The following NCAM2 variants were observed in gnomAD, a reference collection of about 807,000 sequenced individuals.
NCAM2 encodes N-CAM-2.
Under a neutral mutation model 98.1 loss-of-function variants are expected in NCAM2, and 30 were observed. That is an observed-to-expected ratio of 0.31 (90% CI 0.23 to 0.41). The LOEUF is 0.41. Ranked by LOEUF, NCAM2 falls within the 10% of genes least tolerant of loss-of-function variation. The pLI, the probability that NCAM2 is intolerant of heterozygous loss-of-function variation, is 1.00. For synonymous variants in NCAM2, 368 were observed against 342.4 expected, an observed-to-expected ratio of 1.07 and a Z score of -0.83; for missense variants, 867 against 1,005.8, an observed-to-expected ratio of 0.86 and a Z score of 1.87.
At chr21:21,340,163 A>G (rs1029813117) in intron 8 of NCAM2, among the ~76,000 whole-genome samples, 26 of 151,988 alleles carry the variant, frequency 1.7e-4, no homozygotes, top group African/African-American at 5.5e-4. Context: ...AGATTAGATC[A>G]CTCAAAAGTA....
chr21:21,068,315 G>A (rs373998303), intron 1 of NCAM2, among the ~76,000 whole-genome samples: 3 of 150,916 alleles, frequency 2.0e-5, no homozygotes, highest in East Asian at 4.0e-4. Flanking sequence ...TGTATTTTTA[G>A]TACAGACTGG....
At chr21:21,092,165 A>G (rs954881815) in intron 1 of NCAM2, among the ~76,000 whole-genome samples, 1 of 152,114 alleles carries the variant, frequency 6.6e-6, no homozygotes, top group Non-Finnish European at 1.5e-5. Context: ...GAAATGAAAT[A>G]GGTGAATGGT....
chr21:21,043,990 G>A (rs1362526820), intron 1 of NCAM2, among the ~76,000 whole-genome samples: 1 of 151,972 alleles, frequency 6.6e-6, no homozygotes, highest in African/African-American at 2.4e-5. Context: ...TTGAAAATTG[G>A]TTTTTTAATC....
At chr21:21,327,909 C>G (rs1466228780) in intron 6 of NCAM2, among the ~76,000 whole-genome samples, 3 of 152,116 alleles carry the variant, frequency 2.0e-5, no homozygotes, top group African/African-American at 7.2e-5. Flanking sequence ...ACATGTAAAT[C>G]CAAGAGGGAG....
At chr21:21,201,837 A>T (rs2069235960) in intron 1 of NCAM2, among the ~76,000 whole-genome samples, 1 of 152,192 alleles carries the variant, frequency 6.6e-6, no homozygotes, top group Non-Finnish European at 1.5e-5. Context: ...CAGCTTCAGC[A>T]TCATCTGGGG....
rs142376903 is a variant in NCAM2 at position 21,378,287 on chromosome 21, C to T, written c.1195+4274C>T. Among the ~76,000 whole-genome samples the T allele has an allele frequency of 4.1e-4, 63 of 152,038 alleles. 1 individual carries two copies. In the East Asian group the frequency reaches 0.012, roughly 29 times the overall value. The stretch of plus-strand genomic sequence containing the variant: ...TATACCACTTTCTATGATGGCCATG[C>T]CAATTTACATTCCCAACAAGTGTTC... On this transcript the variant is annotated intron_variant, in intron 9 of 17. Transcript: ENST00000400546.
chr21:21,401,416 T>G (rs2076628030), intron 9 of NCAM2, among the ~76,000 whole-genome samples: 1 of 152,212 alleles, frequency 6.6e-6, no homozygotes, highest in Non-Finnish European at 1.5e-5. Flanking sequence ...AACTTACTTC[T>G]GTTGTCTAAC....
intron 5 of NCAM2, among the ~76,000 whole-genome samples, chr21:21,300,719 T>C (rs567376879): frequency 1.3e-5 from 2 of 152,190 alleles, no homozygotes; most frequent in African/African-American, 4.8e-5. Context: ...CTTTAATTTT[T>C]AATTATTTTG....
intron 1 of NCAM2, among the ~76,000 whole-genome samples, chr21:21,217,558 A>G (rs2069955498): frequency 6.6e-6 from 1 of 152,176 alleles, no homozygotes; most frequent in Non-Finnish European, 1.5e-5. Context: ...GTGGTTTCTC[A>G]AGATTCCCAT....
chr21:21,454,980 A>G (rs1981913731), intron 12 of NCAM2, among the ~76,000 whole-genome samples: 1 of 151,940 alleles, frequency 6.6e-6, no homozygotes, highest in Non-Finnish European at 1.5e-5. Flanking sequence ...CTCTAGATAC[A>G]AGGGGAAATT....
intron 5 of NCAM2, among the ~76,000 whole-genome samples, chr21:21,314,068 C>G (rs2074141153): frequency 6.6e-6 from 1 of 152,072 alleles, no homozygotes; most frequent in African/African-American, 2.4e-5. Context: ...CTTTAAATAA[C>G]TTAAAAAGTG....
Position 21,144,603 on chromosome 21 carries a change from TGTC to T in NCAM2, c.56-135974_56-135972del, listed in dbSNP as rs201837814. 2.7e-4 allele frequency among the ~76,000 whole-genome samples: 22 copies of T among 82,244 alleles called. No individual in the cohort carries two copies. The East Asian group carries it at 0.014, about 52-fold the overall frequency. The allele number at this position is 82,244 out of a possible 152,430, so 54.0% of individuals were successfully genotyped here. A position where few individuals can be genotyped will look rare whatever the true frequency, so the allele number is the denominator to read the frequency against. ...ACACATTTCATTCAATCGAAATGTC[TGTC>T]TTTTTTTTTCTTAAAGTTAATATTT... is the stretch of plus-strand genomic sequence containing the variant. On this transcript the variant is annotated intron_variant, in intron 1 of 17. Coordinates refer to ENST00000400546, the MANE Select transcript of NCAM2 (RefSeq NM_004540.5).
intron 1 of NCAM2, among the ~76,000 whole-genome samples, chr21:21,017,156 T>C (rs1257301765): frequency 1.3e-5 from 2 of 152,106 alleles, no homozygotes; most frequent in African/African-American, 4.8e-5. Flanking sequence ...CTGGGTGCCA[T>C]GGCTCACGCC....
At chr21:21,353,882 C>T (rs1410426960) in intron 8 of NCAM2, among the ~76,000 whole-genome samples, 3 of 152,000 alleles carry the variant, frequency 2.0e-5, no homozygotes, top group Non-Finnish European at 4.4e-5. Flanking sequence ...TTGAAGAATG[C>T]TTTGTTCTTC....
In NCAM2 at chr21:21,357,004, A is replaced by AATAC. The variant is rs2075506455; in HGVS notation, c.1045-16856_1045-16855insCATA. ...AACTCCATCAATAAATAAATAAATA[A>AATAC]ATAAATAAATAAATAAATAAATGTT... On this transcript the variant is annotated intron_variant, in intron 8 of 17. Coordinates refer to ENST00000400546, the MANE Select transcript of NCAM2 (RefSeq NM_004540.5). 2.0e-5 allele frequency among the ~76,000 whole-genome samples: 3 copies of AATAC among 151,600 alleles called. No individual in the cohort carries two copies. In the East Asian group the frequency reaches 5.8e-4, roughly 29 times the overall value.
chr21:21,401,071 C>CA (rs1448698267), intron 9 of NCAM2, among the ~76,000 whole-genome samples: 1 of 152,140 alleles, frequency 6.6e-6, no homozygotes, highest in Non-Finnish European at 1.5e-5. Flanking sequence ...TTCTACTTGA[C>CA]AGAGTTGGCA....
At chr21:21,532,871 C>T (rs1206335265) in intron 16 of NCAM2, among the ~76,000 whole-genome samples, 3 of 152,004 alleles carry the variant, frequency 2.0e-5, no homozygotes. Context: ...TACTTGGGGC[C>T]CTTGATCAGA....
chr21:21,022,853 T>C (rs1377384485), intron 1 of NCAM2, among the ~76,000 whole-genome samples: 1 of 152,184 alleles, frequency 6.6e-6, no homozygotes, highest in African/African-American at 2.4e-5. Context: ...CATAGACATG[T>C]AGATCTTACA....
chr21:21,118,603 G>T (rs1304956526), intron 1 of NCAM2, among the ~76,000 whole-genome samples: 1 of 152,074 alleles, frequency 6.6e-6, no homozygotes, highest in East Asian at 1.9e-4. Context: ...TAAACAAAGG[G>T]TATTGCTTTG....
Sources: gnomAD v4.1 joint callset for allele counts (sites outside exome capture counted in the v4.1 genomes callset) on GRCh38, gnomAD v4.1.1 for gene constraint, MANE v1.5 for transcripts, NCBI Gene and HGNC (gene_info 2026-07-23, HGNC 2026-07-21) for gene names.